The following NCAM2 variants were observed in gnomAD, a reference collection of about 807,000 sequenced individuals.
NCAM2 encodes N-CAM-2.
Under a neutral mutation model 98.1 loss-of-function variants are expected in NCAM2, and 30 were observed. That is an observed-to-expected ratio of 0.31 (90% CI 0.23 to 0.41). The LOEUF (loss-of-function observed/expected upper bound fraction) is 0.41, where lower values mean the gene tolerates loss of function less well. Among genes scored for constraint, NCAM2 ranks in the 10% least tolerant of loss-of-function variants. The pLI is 1.00. For synonymous variants in NCAM2, 368 were observed against 342.4 expected, an observed-to-expected ratio of 1.07 and a Z score of -0.83; for missense variants, 867 against 1,005.8, an observed-to-expected ratio of 0.86 and a Z score of 1.87.
chr21:21,282,278 A>G (rs1314035350), intron 2 of NCAM2, among the ~76,000 whole-genome samples: 1 of 151,950 alleles, frequency 6.6e-6, no homozygotes, highest in East Asian at 1.9e-4. Context: ...ATGGATTTGT[A>G]TATTACTATG....
At chr21:21,157,701 C>T (rs986272268) in intron 1 of NCAM2, among the ~76,000 whole-genome samples, 3 of 151,958 alleles carry the variant, frequency 2.0e-5, no homozygotes, top group Admixed American at 6.6e-5. Flanking sequence ...GAGCAGCTGC[C>T]TATATTTGCA....
chr21:21,040,368 A>C (rs1440068409), intron 1 of NCAM2, among the ~76,000 whole-genome samples: 1 of 152,020 alleles, frequency 6.6e-6, no homozygotes, highest in Non-Finnish European at 1.5e-5. Context: ...ATGAACCATG[A>C]CTTTATGTGT....
chr21:21,131,054 C>T (rs2826672), intron 1 of NCAM2, among the ~76,000 whole-genome samples: 74,564 of 151,828 alleles, frequency 0.49, 19,299 homozygotes, highest in East Asian at 0.7. Context: ...AAAACGTAAT[C>T]ATGTGAGAAT....
intron 15 of NCAM2, among the ~76,000 whole-genome samples, chr21:21,489,537 G>A (rs1299722331): frequency 6.6e-6 from 1 of 151,584 alleles, no homozygotes; most frequent in African/African-American, 2.4e-5. Context: ...TCTGTTCATT[G>A]TTTGTAAATT....
At chr21:21,496,781 A>C (rs2146323599) in intron 15 of NCAM2, among the ~76,000 whole-genome samples, 1 of 152,188 alleles carries the variant, frequency 6.6e-6, no homozygotes, top group South Asian at 2.1e-4. Flanking sequence ...TCCCGAGTTA[A>C]GTTTTGTATA....
intron 4 of NCAM2, among the ~76,000 whole-genome samples, chr21:21,286,616 T>C (rs962601913): frequency 6.6e-6 from 1 of 151,846 alleles, no homozygotes; most frequent in Non-Finnish European, 1.5e-5. Context: ...CCCTATGTTG[T>C]AATCAAAACA....
At chr21:21,181,804 C>T (rs2068481886) in intron 1 of NCAM2, among the ~76,000 whole-genome samples, 1 of 151,400 alleles carries the variant, frequency 6.6e-6, no homozygotes, top group South Asian at 2.1e-4. Flanking sequence ...TATTTATCAC[C>T]ATCAGACAGA....
intron 12 of NCAM2, among the ~76,000 whole-genome samples, chr21:21,451,497 T>C (rs1360133111): frequency 5.9e-5 from 9 of 152,172 alleles, no homozygotes; most frequent in Non-Finnish European, 1.0e-4. Flanking sequence ...CAATTTATTT[T>C]ATTCTAAGTG....
chr21:21,396,940 G>C (rs1463503309), intron 9 of NCAM2, among the ~76,000 whole-genome samples: 1 of 152,126 alleles, frequency 6.6e-6, no homozygotes, highest in East Asian at 1.9e-4. Flanking sequence ...TCCTGTTTGT[G>C]TTACAGCTCT....
intron 1 of NCAM2, among the ~76,000 whole-genome samples, chr21:21,236,476 T>G (rs1450542396): frequency 6.6e-6 from 1 of 152,114 alleles, no homozygotes; most frequent in Admixed American, 6.6e-5. Context: ...GAAAGTAATT[T>G]TATGGTGATT....
chr21:21,006,878 C>T (rs2064122344), intron 1 of NCAM2, among the ~76,000 whole-genome samples: 1 of 152,162 alleles, frequency 6.6e-6, no homozygotes, highest in South Asian at 2.1e-4. Flanking sequence ...GAATGCCCTT[C>T]AGGTCTTGCA....
chr21:21,339,872 G>A (rs1425549497), intron 8 of NCAM2, among the ~76,000 whole-genome samples: 1 of 151,356 alleles, frequency 6.6e-6, no homozygotes, highest in Admixed American at 6.6e-5. Context: ...CCTCATAATG[G>A]CATTTTAAGA....
At chr21:21,337,851 TG>T (rs2074916769) in intron 7 of NCAM2, among the ~76,000 whole-genome samples, 1 of 152,060 alleles carries the variant, frequency 6.6e-6, no homozygotes, top group East Asian at 1.9e-4. Context: ...ACTTAGTAAA[TG>T]TTTCAAAATT....
At chr21:21,061,914 G>T (rs557782797) in intron 1 of NCAM2, among the ~76,000 whole-genome samples, 4 of 152,124 alleles carry the variant, frequency 2.6e-5, no homozygotes, top group African/African-American at 9.6e-5. Context: ...TGCAATAATT[G>T]TTGTCATCAC....
At chr21:21,095,432 A>G (rs556288603) in intron 1 of NCAM2, among the ~76,000 whole-genome samples, 34 of 151,668 alleles carry the variant, frequency 2.2e-4, no homozygotes, top group African/African-American at 7.0e-4. Context: ...CTTTCTGTCT[A>G]TCTATCTAGC....
At chr21:21,150,717 T>C (rs1601505857) in intron 1 of NCAM2, among the ~76,000 whole-genome samples, 2 of 152,018 alleles carry the variant, frequency 1.3e-5, no homozygotes, top group African/African-American at 2.4e-5. Context: ...ATTTTTCTTA[T>C]ATTTTCTTTT....
intron 12 of NCAM2, 82 bp from the exon 13 acceptor site, chr21:21,466,522 ATT>A: frequency 9.6e-7 from 1 of 1,042,190 alleles, no homozygotes; most frequent in Non-Finnish European, 1.3e-6. Flanking sequence ...TAATAGTTTG[ATT>A]TGTTTTCCTT....
At chr21:21,328,238 G>A (rs2074571868) in intron 6 of NCAM2, among the ~76,000 whole-genome samples, 1 of 152,046 alleles carries the variant, frequency 6.6e-6, no homozygotes, top group African/African-American at 2.4e-5. Flanking sequence ...TTACACTAGT[G>A]TAAACAAACC....
chr21:21,414,973 A>G (rs533506954), intron 10 of NCAM2, among the ~76,000 whole-genome samples: 5 of 149,834 alleles, frequency 3.3e-5, no homozygotes, highest in South Asian at 2.1e-4. Context: ...TCTCAGCACT[A>G]TATCTCAACA....
Sources: allele counts gnomAD v4.1 joint callset (sites outside exome capture counted in the v4.1 genomes callset), GRCh38; gene constraint gnomAD v4.1.1; transcripts MANE v1.5; gene names NCBI Gene and HGNC (gene_info 2026-07-23, HGNC 2026-07-21).